The following WDFY3 variants were observed in gnomAD, a reference collection of about 807,000 sequenced individuals.
WDFY3 encodes the protein WD repeat and FYVE domain-containing protein 3.
WDFY3 carries 66 observed loss-of-function variants against 409.6 expected under a neutral mutation model. The observed-to-expected ratio is 0.16, with a 90% confidence interval of 0.13 to 0.20. The LOEUF (loss-of-function observed/expected upper bound fraction) is 0.20, where lower values mean the gene tolerates loss of function less well. Ranked by LOEUF, WDFY3 falls within the 10% of genes least tolerant of loss-of-function variation. The pLI is 1.00. For missense variants in WDFY3, 3,031 were observed against 4,298.1 expected (o/e 0.71, Z 8.24); for synonymous variants, 1,521 against 1,537.1 (o/e 0.99, Z 0.25).
intron 5 of WDFY3, among the ~76,000 whole-genome samples, chr4:84,844,978 A>G (rs183322596): frequency 8.7e-4 from 133 of 152,336 alleles, no homozygotes; most frequent in Middle Eastern, 6.8e-3. Flanking sequence ...CAAATCATCC[A>G]TGTATCCATT....
At chr4:84,881,867 C>T (rs1046544963) in intron 3 of WDFY3, among the ~76,000 whole-genome samples, 2 of 149,698 alleles carry the variant, frequency 1.3e-5, no homozygotes, top group East Asian at 2.0e-4. Context: ...GGTGAGAGAA[C>T]GAGACCCTGT....
chr4:84,718,672 A>C, intron 47 of WDFY3, 102 bp from the exon 48 acceptor site: 2 of 1,348,358 alleles, frequency 1.5e-6, no homozygotes, highest in Non-Finnish European at 2.0e-6. Context: ...ATTAAATCAG[A>C]GTTTAAGCAT....
intron 2 of WDFY3, among the ~76,000 whole-genome samples, chr4:84,909,388 A>C (rs1767471629): frequency 1.3e-5 from 2 of 152,132 alleles, no homozygotes; most frequent in African/African-American, 4.8e-5. Context: ...AACTATGGTT[A>C]AAGTATTGTA....
chr4:84,954,518 T>G (rs545188756), intron 1 of WDFY3, among the ~76,000 whole-genome samples: 1 of 152,232 alleles, frequency 6.6e-6, no homozygotes, highest in South Asian at 2.1e-4. Context: ...ATCTATAAAT[T>G]TATAGGGATT....
At chr4:84,826,588 CTTGT>C (rs1450697626) in intron 10 of WDFY3, among the ~76,000 whole-genome samples, 4 of 151,818 alleles carry the variant, frequency 2.6e-5, no homozygotes, top group Non-Finnish European at 4.4e-5. Context: ...TATAAATCTC[CTTGT>C]TTGATTTTAT....
intron 27 of WDFY3, among the ~76,000 whole-genome samples, chr4:84,777,275 ACTC>A (rs1388122072): frequency 6.6e-6 from 1 of 152,048 alleles, no homozygotes; most frequent in African/African-American, 2.4e-5. Flanking sequence ...TTGAGGATCA[ACTC>A]CACAGAGATG....
At chr4:84,779,980 C>G in intron 26 of WDFY3, 128 bp downstream of exon 26, 3 of 1,056,426 alleles carry the variant, frequency 2.8e-6, no homozygotes, top group Non-Finnish European at 4.0e-6. Context: ...TTTCATAAAA[C>G]TACTGTCTCT....
intron 32 of WDFY3, among the ~76,000 whole-genome samples, chr4:84,760,705 T>C (rs542692089): frequency 1.3e-4 from 20 of 150,724 alleles, no homozygotes; most frequent in African/African-American, 4.9e-4. Context: ...TTTTTTTCTT[T>C]ATTAGTCTTG....
At chr4:84,681,123 A>G (rs1304706684) in intron 64 of WDFY3, among the ~76,000 whole-genome samples, 1 of 152,120 alleles carries the variant, frequency 6.6e-6, no homozygotes, top group Non-Finnish European at 1.5e-5. Flanking sequence ...ATTTCACCCC[A>G]GCAAGTGCCC....
intron 7 of WDFY3, among the ~76,000 whole-genome samples, chr4:84,833,661 AAAAAGAAAAGAAAAG>A (rs1170304084): frequency 3.3e-5 from 5 of 149,840 alleles, no homozygotes; most frequent in Admixed American, 6.7e-5. Flanking sequence ...CTCAAAAGAG[AAAAAGAAAAGAAAAG>A]AAAAGAAAAG....
intron 44 of WDFY3, among the ~76,000 whole-genome samples, chr4:84,729,214 T>C (rs1736159147): frequency 6.6e-6 from 1 of 151,972 alleles, no homozygotes; most frequent in Admixed American, 6.6e-5. Context: ...TAAAGCCTAG[T>C]TAATATTTAA....
chr4:84,948,634 T>C (rs1351329930), intron 1 of WDFY3, among the ~76,000 whole-genome samples: 2 of 152,182 alleles, frequency 1.3e-5, no homozygotes, highest in East Asian at 1.9e-4. Context: ...GCAGATTAGA[T>C]AGTTAGGATT....
chr4:84,812,809 G>A (rs1392145603), intron 13 of WDFY3, among the ~76,000 whole-genome samples: 2 of 152,042 alleles, frequency 1.3e-5, no homozygotes, highest in Non-Finnish European at 2.9e-5. Context: ...ATCTGTTGTT[G>A]CTCTGACATT....
chr4:84,784,887 T>C (rs202226121), intron 24 of WDFY3, among the ~76,000 whole-genome samples: 187 of 62,348 alleles, frequency 3.0e-3, no homozygotes, highest in African/African-American at 8.4e-3. Flanking sequence ...TATATATATA[T>C]ATATACACAC....
rs1763065140 is a variant in WDFY3, at chr4:84,878,413, C to T, written c.-31-17791G>A. ...ATTGTGCAGAATTACACTGGTAAAA[C>T]CTCACAAATGAAAAAAATATGAATA... On this transcript the variant is annotated intron_variant, in intron 3 of 67. Transcript: ENST00000295888. 2.6e-5 allele frequency among the ~76,000 whole-genome samples: 4 copies of T among 151,854 alleles called. No individual in the cohort carries two copies. In the South Asian group the frequency reaches 8.3e-4, roughly 32 times the overall value.
rs182890829 is a variant in WDFY3, at chr4:84,778,019, G to A, written c.4518+484C>T. Among the ~76,000 whole-genome samples the A allele has an allele frequency of 1.7e-4, 26 of 152,230 alleles. No individual in the cohort carries two copies. The East Asian group carries it at 5.0e-3, about 29-fold the overall frequency. Reference sequence around the variant, plus strand: ...TATGTAGGACAGCCTGAGCAAAGGGGAAAAAGAAGTGATAGTTATTCTAGT... The same window carrying A: ...TATGTAGGACAGCCTGAGCAAAGGGAAAAAAGAAGTGATAGTTATTCTAGT... On this transcript the variant is annotated intron_variant, in intron 27 of 67. Coordinates refer to ENST00000295888, the MANE Select transcript of WDFY3 (RefSeq NM_014991.6).
intron 48 of WDFY3, among the ~76,000 whole-genome samples, chr4:84,717,854 C>T (rs1283823928): frequency 6.6e-6 from 1 of 151,994 alleles, no homozygotes; most frequent in Non-Finnish European, 1.5e-5. Flanking sequence ...TGAGACCATC[C>T]TGGCTAACAT....
At chr4:84,862,996 T>G (rs1760867160) in intron 3 of WDFY3, among the ~76,000 whole-genome samples, 1 of 152,254 alleles carries the variant, frequency 6.6e-6, no homozygotes, top group Non-Finnish European at 1.5e-5. Context: ...ACATTTAGTA[T>G]AATGTTCTCA....
chr4:84,940,728 G>C (rs995067261), intron 1 of WDFY3, among the ~76,000 whole-genome samples: 1 of 151,870 alleles, frequency 6.6e-6, no homozygotes, highest in Non-Finnish European at 1.5e-5. Context: ...GAGAAAAAAA[G>C]ACTAGAAATT....
Sources: gnomAD v4.1 joint callset for allele counts (sites outside exome capture counted in the v4.1 genomes callset) on GRCh38, gnomAD v4.1.1 for gene constraint, MANE v1.5 for transcripts, NCBI Gene and HGNC (gene_info 2026-07-23, HGNC 2026-07-21) for gene names.